The following GRIK1 variants were observed in gnomAD, a reference collection of about 807,000 sequenced individuals.
GRIK1 encodes the protein glutamate ionotropic receptor kainate type subunit 1.
GRIK1 carries 69 observed loss-of-function variants against 105.7 expected under a neutral mutation model. The observed-to-expected ratio is 0.65, with a 90% CI of 0.54 to 0.80. The LOEUF (loss-of-function observed/expected upper bound fraction) is 0.80, where lower values mean the gene tolerates loss of function less well. GRIK1 is among the 30% of genes least tolerant of loss of function. The pLI is 0.00. For missense variants in GRIK1, 1,109 were observed against 1,167.3 expected (o/e 0.95, Z 0.73); for synonymous variants, 438 against 431.3 (o/e 1.02, Z -0.19).
Position 29,577,274 on chromosome 21 carries a change from T to C in GRIK1, c.1913-93A>G, listed in dbSNP as rs2090918657. On this transcript the variant is annotated intron_variant, in intron 13 of 17. Transcript: ENST00000327783. ...ACACTATTCTAGGAAGATCAACCTGTAAAAGACTTACCGTCTTGTAGGTAG... is the reference window on the plus strand; with the variant it reads ...ACACTATTCTAGGAAGATCAACCTGCAAAAGACTTACCGTCTTGTAGGTAG... The C allele has an allele frequency of 7.1e-6, 5 of 704,980 alleles. No individual in the cohort carries two copies. The South Asian group carries it at 9.2e-5, about 13-fold the overall frequency. The allele number at this position is 704,980 out of a possible 1,614,324, so 43.7% of individuals were successfully genotyped here.
intron 1 of GRIK1, among the ~76,000 whole-genome samples, chr21:29,806,537 A>G (rs1345573152): frequency 1.3e-5 from 2 of 152,118 alleles, no homozygotes; most frequent in Non-Finnish European, 2.9e-5. Flanking sequence ...TCAACTCTAA[A>G]TGTAGGTAAT....
In GRIK1 at chr21:29,598,830, CT is replaced by C. The variant is rs764820620; in HGVS notation, c.1205del (p.Lys402ArgfsTer28). On this transcript the variant is annotated frameshift_variant and splice_region_variant, in exon 8 of 18. Coordinates refer to ENST00000327783, the MANE Select transcript of GRIK1 (RefSeq NM_001330994.2). LOFTEE classifies it high-confidence loss of function. ...IISLKEEGTE[K>X]AAGEVSKHLY... ...ATTTATTTATTGTTAAGGAGGTTAC[CT>C]TTTCAGTTCCTTCCTCTTTGAGACT... is the stretch of plus-strand genomic sequence containing the variant. 4 of 1,331,142 alleles carry C rather than the reference CT, an allele frequency of 3.0e-6. No individual in the cohort carries two copies. Among genetic ancestry groups the C allele is most frequent in the Non-Finnish European group, 4.3e-6 (4 of 935,416 alleles). 82.5% of individuals were successfully genotyped at this position (1,331,142 alleles called of 1,614,324 possible).
chr21:29,790,437 C>T (rs1324620911), intron 1 of GRIK1, among the ~76,000 whole-genome samples: 2 of 151,882 alleles, frequency 1.3e-5, no homozygotes, highest in Non-Finnish European at 2.9e-5. Context: ...AATGAATGCC[C>T]AGTTTCGTAG....
chr21:29,698,666 T>C (rs1254325027), intron 1 of GRIK1, among the ~76,000 whole-genome samples: 2 of 152,178 alleles, frequency 1.3e-5, no homozygotes, highest in East Asian at 1.9e-4. Flanking sequence ...CCAGTCTTTA[T>C]AGACTGGAAA....
intron 1 of GRIK1, among the ~76,000 whole-genome samples, chr21:29,922,777 T>C (rs995719832): frequency 4.6e-5 from 7 of 152,210 alleles, no homozygotes; most frequent in African/African-American, 1.7e-4. Context: ...ATTTTCTTTA[T>C]TGGGTCATGC....
chr21:29,672,831 C>T (rs1601420406), intron 4 of GRIK1, 152 bp downstream of exon 4: 1 of 630,244 alleles, frequency 1.6e-6, no homozygotes, highest in East Asian at 2.6e-5. Flanking sequence ...AGCCCCTTGC[C>T]TGTTTAAAAG....
At chr21:29,821,017 C>A (rs1380250294) in intron 1 of GRIK1, among the ~76,000 whole-genome samples, 1 of 151,202 alleles carries the variant, frequency 6.6e-6, no homozygotes, top group African/African-American at 2.4e-5. Context: ...AAGTTGAGAC[C>A]CACAAAACTG....
intron 1 of GRIK1, among the ~76,000 whole-genome samples, chr21:29,787,291 G>T (rs28532226): frequency 1.3e-5 from 2 of 152,050 alleles, no homozygotes; most frequent in Admixed American, 6.5e-5. Flanking sequence ...ATCATTTAAA[G>T]TCTCTCCTTT....
intron 6 of GRIK1, among the ~76,000 whole-genome samples, chr21:29,647,096 G>A (rs1017232655): frequency 3.3e-5 from 5 of 152,086 alleles, no homozygotes; most frequent in African/African-American, 7.2e-5. Context: ...TGCCTGGCTC[G>A]GCTTCCCAAA....
intron 1 of GRIK1, among the ~76,000 whole-genome samples, chr21:29,888,636 A>G (rs996330728): frequency 6.6e-6 from 1 of 152,148 alleles, no homozygotes; most frequent in Non-Finnish European, 1.5e-5. Context: ...CTCAACAGCT[A>G]ACAAATGCCA....
intron 4 of GRIK1, among the ~76,000 whole-genome samples, chr21:29,662,900 T>C (rs2062991669): frequency 6.6e-6 from 1 of 152,162 alleles, no homozygotes; most frequent in Non-Finnish European, 1.5e-5. Context: ...GTTTCAGGCA[T>C]TGATAGTTAC....
At chr21:29,890,810 A>C (rs1251515377) in intron 1 of GRIK1, among the ~76,000 whole-genome samples, 3 of 152,140 alleles carry the variant, frequency 2.0e-5, no homozygotes, top group Non-Finnish European at 4.4e-5. Flanking sequence ...TAAGACTGTA[A>C]AAAGATGCCC....
intron 1 of GRIK1, among the ~76,000 whole-genome samples, chr21:29,795,100 A>G (rs918830770): frequency 1.4e-5 from 2 of 138,328 alleles, no homozygotes; most frequent in Non-Finnish European, 3.0e-5. Context: ...CAGTGGTGCA[A>G]TCTTGGCTCA....
chr21:29,939,006 T>G (rs1480752331), intron 1 of GRIK1, among the ~76,000 whole-genome samples: 1 of 152,186 alleles, frequency 6.6e-6, no homozygotes, highest in Non-Finnish European at 1.5e-5. Flanking sequence ...GGATCTGGAC[T>G]GCCAGACGCC....
chr21:29,711,659 T>TA lies in GRIK1; in HGVS notation c.119-17597dup, dbSNP rs529611886. 2.6e-5 allele frequency among the ~76,000 whole-genome samples: 4 copies of TA among 152,234 alleles called. No individual in the cohort carries two copies. The South Asian group carries it at 8.3e-4, about 32-fold the overall frequency. ...GAAATGTACCAATGTATTTACACTT[T>TA]AAAAAAATTTGTTAAAGCATTGGGT... On this transcript the variant is annotated intron_variant, in intron 1 of 17. Coordinates refer to ENST00000327783, the MANE Select transcript of GRIK1 (RefSeq NM_001330994.2).
intron 11 of GRIK1, 40 bp from the exon 12 acceptor site, chr21:29,587,629 T>C: frequency 4.2e-6 from 5 of 1,189,792 alleles, no homozygotes; most frequent in Non-Finnish European, 2.5e-6. Context: ...TAGTCTAGTT[T>C]CTTTGCAAAT....
intron 1 of GRIK1, among the ~76,000 whole-genome samples, chr21:29,925,529 A>G (rs2071338613): frequency 6.6e-6 from 1 of 152,236 alleles, no homozygotes; most frequent in Non-Finnish European, 1.5e-5. Flanking sequence ...GTGTGAATAC[A>G]TAAATTAAAA....
At chr21:29,580,089 GTA>G (rs200371058) in intron 13 of GRIK1, among the ~76,000 whole-genome samples, 2,795 of 143,384 alleles carry the variant, frequency 0.019, 48 homozygotes, top group Non-Finnish European at 0.03. Context: ...ATATGTGTGT[GTA>G]TATATATGTG....
At chr21:29,808,134 A>C (rs1332779215) in intron 1 of GRIK1, among the ~76,000 whole-genome samples, 1 of 152,140 alleles carries the variant, frequency 6.6e-6, no homozygotes, top group Non-Finnish European at 1.5e-5. Context: ...TTTTCATAGA[A>C]ATTTCCAGAA....
Sources: gnomAD v4.1 joint callset for allele counts (sites outside exome capture counted in the v4.1 genomes callset) on GRCh38, gnomAD v4.1.1 for gene constraint, MANE v1.5 for transcripts, NCBI Gene and HGNC (gene_info 2026-07-23, HGNC 2026-07-21) for gene names.